The following SYBU variants were observed in gnomAD, a reference collection of about 807,000 sequenced individuals.
SYBU encodes the protein GOLSYN A protein.
A neutral mutation model predicts 35.9 loss-of-function variants in SYBU; 21 were observed. That is an observed-to-expected ratio of 0.58 (90% CI 0.41 to 0.84). SYBU has a LOEUF of 0.84. Ranked by LOEUF, SYBU falls within the 40% of genes least tolerant of loss-of-function variation. The pLI, the probability that SYBU is intolerant of heterozygous loss-of-function variation, is 0.00. For missense variants in SYBU, 768 were observed against 848.2 expected (o/e 0.91, Z 1.17); for synonymous variants, 319 against 324.3 (o/e 0.98, Z 0.18).
intron 3 of SYBU, among the ~76,000 whole-genome samples, chr8:109,617,117 C>T (rs1228520731): frequency 6.7e-6 from 1 of 149,474 alleles, no homozygotes; most frequent in African/African-American, 2.5e-5. Context: ...GTCTGGGCGA[C>T]AGTGAGAATC....
intron 3 of SYBU, among the ~76,000 whole-genome samples, chr8:109,616,696 CT>C (rs34415660): frequency 0.16 from 23,330 of 141,436 alleles, 1,940 homozygotes; most frequent in East Asian, 0.41. Context: ...ATGAAACATA[CT>C]TTTTTTTTTT....
intron 2 of SYBU, among the ~76,000 whole-genome samples, chr8:109,639,263 A>T (rs2130606886): frequency 6.6e-6 from 1 of 152,320 alleles, no homozygotes; most frequent in African/African-American, 2.4e-5. Context: ...TAGAAAAGCC[A>T]GATTCTCAAA....
chr8:109,586,700 G>A (rs1823660961), intron 3 of SYBU, among the ~76,000 whole-genome samples: 1 of 152,190 alleles, frequency 6.6e-6, no homozygotes, highest in African/African-American at 2.4e-5. Context: ...TATCTGAGGT[G>A]ACTTTCTCTG....
At chr8:109,623,662 G>T (rs1426646390) in intron 2 of SYBU, among the ~76,000 whole-genome samples, 2 of 152,092 alleles carry the variant, frequency 1.3e-5, no homozygotes, top group African/African-American at 2.4e-5. Flanking sequence ...TTGAAATATA[G>T]GATATAGTTA....
intron 1 of SYBU, among the ~76,000 whole-genome samples, chr8:109,686,811 T>G (rs2130790266): frequency 6.6e-6 from 1 of 152,348 alleles, no homozygotes; most frequent in African/African-American, 2.4e-5. Flanking sequence ...GAGATTAAAT[T>G]CATATTTCAT....
intron 4 of SYBU, chr8:109,580,356 T>G (rs767367703): frequency 4.7e-6 from 1 of 213,608 alleles, no homozygotes; most frequent in Non-Finnish European, 9.6e-6. Context: ...TTTCAAGATA[T>G]GGTTTTTGTT....
chr8:109,691,535 T>C lies in SYBU; in HGVS notation c.-260A>G, dbSNP rs1817646217. Reference sequence around the variant, plus strand: ...TGGACACGTGGTGCCGCGGAATCCCTTGCGCTCCGGTGCCCTCGGCCCCTC... The same window carrying C: ...TGGACACGTGGTGCCGCGGAATCCCCTGCGCTCCGGTGCCCTCGGCCCCTC... On this transcript the variant is annotated 5_prime_UTR_variant, in exon 1 of 8. Transcript: ENST00000422135. This position sits in a 1 kb window ranked among gnomAD's most constrained non-coding sequence, Gnocchi z 4.7. 2.1e-6 allele frequency: 1 copy of C among 471,990 alleles called. No homozygotes were observed. Among genetic ancestry groups the C allele is most frequent in the Admixed American group, 4.5e-5 (1 of 22,466 alleles). 29.2% of individuals were successfully genotyped at this position (471,990 alleles called of 1,614,324 possible).
At chr8:109,638,699 T>G (rs1814513904) in intron 2 of SYBU, among the ~76,000 whole-genome samples, 2 of 152,210 alleles carry the variant, frequency 1.3e-5, no homozygotes, top group Non-Finnish European at 2.9e-5. Context: ...GGGCCTGACC[T>G]CTAATACTGT....
chr8:109,685,982 T>G (rs1374266232), upstream of SYBU, among the ~76,000 whole-genome samples: 1 of 152,180 alleles, frequency 6.6e-6, no homozygotes, highest in Non-Finnish European at 1.5e-5. Flanking sequence ...TCAGATAGGT[T>G]AAAAACAAAT....
chr8:109,672,907 A>G (rs1817039542), intron 1 of SYBU, among the ~76,000 whole-genome samples: 1 of 152,208 alleles, frequency 6.6e-6, no homozygotes, highest in Non-Finnish European at 1.5e-5. Flanking sequence ...GTGTAAACAA[A>G]GCCACTGGGA....
intron 2 of SYBU, among the ~76,000 whole-genome samples, chr8:109,630,271 C>T (rs10095527): frequency 0.35 from 37,427 of 106,960 alleles, 6,951 homozygotes; most frequent in African/African-American, 0.56. Flanking sequence ...TGGGGACTGT[C>T]GTGGGGTGGG....
intron 1 of SYBU, among the ~76,000 whole-genome samples, chr8:109,659,912 T>C (rs1031830256): frequency 6.6e-6 from 1 of 152,154 alleles, no homozygotes; most frequent in Admixed American, 6.5e-5. Flanking sequence ...TAAGTAAATT[T>C]ATTATGTGCA....
At chr8:109,596,543 T>C (rs1824902038) in intron 3 of SYBU, among the ~76,000 whole-genome samples, 1 of 152,216 alleles carries the variant, frequency 6.6e-6, no homozygotes, top group Non-Finnish European at 1.5e-5. Flanking sequence ...TTTTAAAAGG[T>C]AGAATTTGAG....
chr8:109,597,109 G>A (rs1339554881), intron 3 of SYBU, among the ~76,000 whole-genome samples: 1 of 152,142 alleles, frequency 6.6e-6, no homozygotes, highest in African/African-American at 2.4e-5. Context: ...ATTACGTGAT[G>A]CCCTGTTGAG....
chr8:109,593,868 A>C (rs776667619), intron 3 of SYBU, among the ~76,000 whole-genome samples: 6 of 152,158 alleles, frequency 3.9e-5, no homozygotes, highest in Non-Finnish European at 8.8e-5. Context: ...GGTCTGGGAA[A>C]GGTTACATCC....
intron 5 of SYBU, among the ~76,000 whole-genome samples, chr8:109,579,571 C>T (rs1822768895): frequency 6.6e-6 from 1 of 152,156 alleles, no homozygotes; most frequent in Admixed American, 6.5e-5. Flanking sequence ...GGCATTTTCT[C>T]TCCCTATTCA....
intron 1 of SYBU, chr8:109,644,351 A>C: frequency 1.6e-6 from 1 of 607,250 alleles, no homozygotes; most frequent in Non-Finnish European, 3.0e-6. Flanking sequence ...TCACACACAC[A>C]GGATATCAAC....
At chr8:109,583,981 T>C (rs1282949574) in intron 4 of SYBU, among the ~76,000 whole-genome samples, 1 of 151,812 alleles carries the variant, frequency 6.6e-6, no homozygotes, top group Admixed American at 6.6e-5. Flanking sequence ...GCTAATTTTT[T>C]TTTTTTTTGT....
intron 1 of SYBU, chr8:109,680,595 T>C (rs1401245905): frequency 5.6e-5 from 4 of 71,310 alleles, no homozygotes; most frequent in Non-Finnish European, 1.0e-4. Context: ...CAACATTTTA[T>C]GAAATGTGAT....
Sources: gnomAD v4.1 joint callset for allele counts (sites outside exome capture counted in the v4.1 genomes callset) on GRCh38, gnomAD v4.1.1 for gene constraint, Gnocchi (gnomAD v3.1) non-coding constraint, MANE v1.5 for transcripts, NCBI Gene and HGNC (gene_info 2026-07-23, HGNC 2026-07-21) for gene names.